The following SAE1 variants were observed in gnomAD, a reference collection of about 807,000 sequenced individuals.
SAE1 encodes SUMO1 activating enzyme subunit 1, also known as SUMO-activating enzyme subunit 1.
SAE1 carries 11 observed loss-of-function variants against 40.6 expected under a neutral mutation model. The observed-to-expected ratio is 0.27, with a 90% CI of 0.17 to 0.45. The LOEUF is 0.45. SAE1 is among the 20% of genes least tolerant of loss of function. The pLI is 1.00. For synonymous variants in SAE1, 155 were observed against 154.3 expected (o/e 1.00, Z -0.03); for missense variants, 373 against 427.3 (o/e 0.87, Z 1.12).
At chr19:47,146,950 G>T (rs1168697735) in intron 2 of SAE1, among the ~76,000 whole-genome samples, 1 of 152,186 alleles carries the variant, frequency 6.6e-6, no homozygotes, top group Non-Finnish European at 1.5e-5. Flanking sequence ...GGATCAGGAA[G>T]AAATCTGCAC....
At chr19:47,156,526 C>G (rs1324623076) in intron 5 of SAE1, among the ~76,000 whole-genome samples, 2 of 151,934 alleles carry the variant, frequency 1.3e-5, no homozygotes, top group Non-Finnish European at 1.5e-5. Flanking sequence ...GCCAAATAAC[C>G]TTTAATAAGA....
chr19:47,149,894 G>T (rs1222878163), intron 2 of SAE1, among the ~76,000 whole-genome samples: 1 of 151,802 alleles, frequency 6.6e-6, no homozygotes, highest in African/African-American at 2.4e-5. Context: ...TGGCAAACGT[G>T]GTGAAACCCT....
At chr19:47,197,096 A>T in intron 6 of SAE1, 137 bp from the exon 7 acceptor site, 9 of 769,058 alleles carry the variant, frequency 1.2e-5, no homozygotes, top group Non-Finnish European at 1.8e-5. Context: ...CAGAAGAATC[A>T]CTTGAACCCG....
At chr19:47,150,443 C>T in intron 3 of SAE1, 68 bp downstream of exon 3, 2 of 1,260,074 alleles carry the variant, frequency 1.6e-6, no homozygotes, top group Admixed American at 2.3e-5. Context: ...TATATACTTT[C>T]AAATCCCAAA....
At chr19:47,179,827 A>G (rs2058495276) in intron 6 of SAE1, among the ~76,000 whole-genome samples, 1 of 152,126 alleles carries the variant, frequency 6.6e-6, no homozygotes, top group Non-Finnish European at 1.5e-5. Context: ...AAGTGTTGGG[A>G]TTACAGGTGT....
intron 6 of SAE1, among the ~76,000 whole-genome samples, chr19:47,172,835 T>G (rs984826225): frequency 1.3e-5 from 2 of 151,672 alleles, no homozygotes; most frequent in South Asian, 4.2e-4. Flanking sequence ...TAGGACTTGC[T>G]CTGTGCCGGG....
At chr19:47,173,722 A>C (rs1239636748) in intron 6 of SAE1, among the ~76,000 whole-genome samples, 1 of 151,980 alleles carries the variant, frequency 6.6e-6, no homozygotes, top group Non-Finnish European at 1.5e-5. Flanking sequence ...ACATGTCCCC[A>C]GTTGAGAACC....
At chr19:47,155,058 T>G in intron 4 of SAE1, 56 bp from the exon 5 acceptor site, 3 of 1,126,820 alleles carry the variant, frequency 2.7e-6, no homozygotes, top group Non-Finnish European at 4.0e-6. Context: ...TTTTTTTGAT[T>G]CCAATAACAT....
In SAE1 at chr19:47,171,204, A is replaced by G. The variant is rs1275473542; in HGVS notation, c.733+1281A>G. ...TGGCCAGGTTGGGCTCACTCTCTTG[A>G]CCTCGTGATCCGCCCACCTCAGCCC... On this transcript the variant is annotated intron_variant, in intron 6 of 8. Coordinates refer to ENST00000270225, the MANE Select transcript of SAE1 (RefSeq NM_005500.3). Among the ~76,000 whole-genome samples, 4 of 151,548 alleles carry G rather than the reference A, an allele frequency of 2.6e-5. No homozygotes were observed. The South Asian group carries it at 8.3e-4, about 32-fold the overall frequency.
intron 7 of SAE1, among the ~76,000 whole-genome samples, 187 bp downstream of exon 7, chr19:47,197,564 T>C (rs2058624146): frequency 6.6e-6 from 1 of 152,184 alleles, no homozygotes; most frequent in South Asian, 2.1e-4. Context: ...GGGGACAGAT[T>C]CTGATTTTTA....
At chr19:47,136,032 G>A (rs779159454) in intron 1 of SAE1, among the ~76,000 whole-genome samples, 8 of 151,684 alleles carry the variant, frequency 5.3e-5, no homozygotes, top group Non-Finnish European at 8.8e-5. Flanking sequence ...TCAATCTCCT[G>A]ACCTCGTGTA....
chr19:47,200,454 G>C (rs1483990120), intron 7 of SAE1, among the ~76,000 whole-genome samples: 1 of 145,518 alleles, frequency 6.9e-6, no homozygotes, highest in African/African-American at 2.6e-5. Context: ...TGTTCACCAG[G>C]CTGTTTCCTA....
At chr19:47,136,935 G>A (rs188542599) in intron 1 of SAE1, among the ~76,000 whole-genome samples, 1 of 152,264 alleles carries the variant, frequency 6.6e-6, no homozygotes, top group Admixed American at 6.5e-5. Flanking sequence ...GGTGGGATAG[G>A]AGAACTCTGG....
At chr19:47,203,556 G>T in intron 7 of SAE1, 115 bp from the exon 8 acceptor site, 1 of 820,594 alleles carries the variant, frequency 1.2e-6, no homozygotes, top group Non-Finnish European at 2.1e-6. Flanking sequence ...TCTGAATCGG[G>T]CCCTCCTGCT....
chr19:47,138,356 C>G lies in SAE1; in HGVS notation c.99-5138C>G, dbSNP rs571129121. On this transcript the variant is annotated intron_variant, in intron 1 of 8. Coordinates refer to ENST00000270225, the MANE Select transcript of SAE1 (RefSeq NM_005500.3). ...ACTGCGCCTGGCCAGAAGTTACCTT[C>G]TTTGTGCCTGTTTTCTCAGCTGCAA... is the stretch of plus-strand genomic sequence containing the variant. Among the ~76,000 whole-genome samples the G allele has an allele frequency of 2.6e-5, 4 of 152,284 alleles. No individual in the cohort carries two copies. The South Asian group carries it at 8.3e-4, about 32-fold the overall frequency.
At chr19:47,201,714 A>G (rs991424171) in intron 7 of SAE1, among the ~76,000 whole-genome samples, 1 of 151,346 alleles carries the variant, frequency 6.6e-6, no homozygotes, top group African/African-American at 2.4e-5. Flanking sequence ...GCTCACTGCA[A>G]CCTCCACCTC....
Position 47,149,989 on chromosome 19 carries a change from A to G in SAE1, c.211-213A>G, listed in dbSNP as rs574907677. On this transcript the variant is annotated intron_variant, in intron 2 of 8. Transcript: ENST00000270225. ...ACTTGGGAGGCTGAGGCAGGAGGAG[A>G]ATCATTTGAACCCAGGAGGCGGAGG... 6.6e-5 allele frequency among the ~76,000 whole-genome samples: 10 copies of G among 151,570 alleles called. No individual in the cohort carries two copies. The South Asian group carries it at 2.1e-3, about 32-fold the overall frequency.
intron 6 of SAE1, among the ~76,000 whole-genome samples, chr19:47,188,222 A>C (rs1166037382): frequency 1.3e-5 from 2 of 152,042 alleles, no homozygotes; most frequent in Non-Finnish European, 2.9e-5. Context: ...ATGGTGGTGC[A>C]TGCCTGTAGT....
At chr19:47,153,579 A>G (rs2058301351) in intron 4 of SAE1, among the ~76,000 whole-genome samples, 1 of 152,122 alleles carries the variant, frequency 6.6e-6, no homozygotes, top group South Asian at 2.1e-4. Flanking sequence ...TTGAGAGGGA[A>G]AGACAGGCTC....
Sources: gnomAD v4.1 joint callset for allele counts (sites outside exome capture counted in the v4.1 genomes callset) on GRCh38, gnomAD v4.1.1 for gene constraint, MANE v1.5 for transcripts, NCBI Gene and HGNC (gene_info 2026-07-23, HGNC 2026-07-21) for gene names.